Variants in HIVEP3 observed in about 807,000 individuals in gnomAD.
The protein encoded by HIVEP3 is transcription factor HIVEP3.
In HIVEP3, 49 loss-of-function variants were observed where a neutral mutation model predicts 152.8. The ratio of observed to expected loss-of-function variants is 0.32; its 90% CI spans 0.26 to 0.41. The LOEUF (loss-of-function observed/expected upper bound fraction) is 0.41. HIVEP3 is among the 10% of genes least tolerant of loss of function. The probability of loss-of-function intolerance (pLI) is 1.00; values close to 1 mark genes in which losing one functional copy is unlikely to be tolerated. For missense variants in HIVEP3, 2,790 were observed against 3,103.3 expected (o/e 0.90, Z 2.40); for synonymous variants, 1,269 against 1,289.0 (o/e 0.98, Z 0.33).
intron 1 of HIVEP3, among the ~76,000 whole-genome samples, chr1:41,932,190 T>C (rs1223340595): frequency 6.6e-6 from 1 of 151,950 alleles, no homozygotes; most frequent in Non-Finnish European, 1.5e-5. Flanking sequence ...TGTAAATCTA[T>C]TGAAATAATC....
At chr1:41,538,100 G>A (rs1162022708) in intron 5 of HIVEP3, among the ~76,000 whole-genome samples, 3 of 152,234 alleles carry the variant, frequency 2.0e-5, no homozygotes, top group Non-Finnish European at 2.9e-5. Flanking sequence ...TACGGATGAT[G>A]AGAGGAGGAA....
In HIVEP3 at chr1:41,582,670, T is replaced by A. The variant is rs1477615947; in HGVS notation, c.2128A>T (p.Thr710Ser). Reference sequence around the variant, plus strand: ...TCTTTCCTCCTCTTCCTCAGTGGAGTGAGTTCCAGGGTGGTTCCCAGTTTG... The same window carrying A: ...TCTTTCCTCCTCTTCCTCAGTGGAGAGAGTTCCAGGGTGGTTCCCAGTTTG... ...HYKLGTTLEL[T>S]PLRKRRKEKS... Residue 710 changes from threonine (T) to serine (S), a missense_variant, in exon 4 of 9, where the codon ACT becomes TCT. This residue lies in a region of HIVEP3 where 339 missense variants were observed against 327.0 expected (regional missense o/e 1.04). Coordinates refer to ENST00000372583, the MANE Select transcript of HIVEP3 (RefSeq NM_024503.5). The surrounding 1 kb of genome is among the most constrained non-coding windows in gnomAD (Gnocchi z 4.7). The A allele has an allele frequency of 6.2e-7, 1 of 1,613,854 alleles. No homozygotes were observed. Among genetic ancestry groups the A allele is most frequent in the Non-Finnish European group, 8.5e-7 (1 of 1,179,958 alleles).
intron 2 of HIVEP3, among the ~76,000 whole-genome samples, chr1:41,668,345 G>A (rs1645826931): frequency 6.6e-6 from 1 of 152,208 alleles, no homozygotes; most frequent in Non-Finnish European, 1.5e-5. Flanking sequence ...GAGGGGTGAG[G>A]CCTGGTGCAA....
rs368988685 is a variant in HIVEP3 at position 41,902,238 on chromosome 1, G to A, written c.-801+16175C>T. On this transcript the variant is annotated intron_variant, in intron 1 of 8. Transcript: ENST00000372583. ...GTCTGAAAGACATCCGGCCCACATT[G>A]CTTTCACTTAGGTCATGTTCCCCCA... Among the ~76,000 whole-genome samples, 127 of 152,258 alleles carry A rather than the reference G, an allele frequency of 8.3e-4. 4 individuals are homozygous for A. In the East Asian group the frequency reaches 0.018, roughly 22 times the overall value.
chr1:41,658,325 G>T (rs1229385931), intron 2 of HIVEP3, among the ~76,000 whole-genome samples: 1 of 152,082 alleles, frequency 6.6e-6, no homozygotes, highest in South Asian at 2.1e-4. Context: ...GGACTTTGGA[G>T]CCCAAAGTCC....
chr1:41,783,583 T>C (rs1262125564), intron 1 of HIVEP3, among the ~76,000 whole-genome samples: 1 of 152,130 alleles, frequency 6.6e-6, no homozygotes, highest in Non-Finnish European at 1.5e-5. Flanking sequence ...TGCCAGTCAC[T>C]AGATACTCTG....
intron 5 of HIVEP3, among the ~76,000 whole-genome samples, chr1:41,539,271 A>C (rs917188585): frequency 6.6e-6 from 1 of 152,092 alleles, no homozygotes; most frequent in African/African-American, 2.4e-5. Context: ...CTCTCTCACT[A>C]TTAAGCTGAA....
intron 1 of HIVEP3, among the ~76,000 whole-genome samples, chr1:41,971,012 A>G (rs112894475): frequency 0.015 from 2,291 of 152,312 alleles, 47 homozygotes; most frequent in African/African-American, 0.052. Context: ...TGATGTAGAA[A>G]AAAAATATAG....
intron 1 of HIVEP3, among the ~76,000 whole-genome samples, chr1:41,901,263 T>C (rs1234254972): frequency 1.3e-5 from 2 of 151,964 alleles, no homozygotes; most frequent in Non-Finnish European, 2.9e-5. Flanking sequence ...GGGTTGGTCA[T>C]GCATGTGGGA....
chr1:41,926,282 G>T lies in HIVEP3; in HGVS notation n.120-7758C>A, dbSNP rs1046297436. Among the ~76,000 whole-genome samples the T allele has an allele frequency of 5.1e-4, 77 of 152,070 alleles. 1 individual carries two copies. The highest frequency in any genetic ancestry group is 5.0e-3 in the Admixed American group (76 of 15,270). On this transcript the variant is annotated intron_variant and non_coding_transcript_variant, in intron 1 of 3. Coordinates refer to the HIVEP3 transcript ENST00000489103. The stretch of plus-strand genomic sequence containing the variant: ...CCAAGCCACACACCTCCCCTGACCT[G>T]CACTCACACAGTTAATTTCCTGGAC...
At chr1:41,666,490 C>T (rs1465394685) in intron 2 of HIVEP3, among the ~76,000 whole-genome samples, 1 of 152,154 alleles carries the variant, frequency 6.6e-6, no homozygotes, top group African/African-American at 2.4e-5. Context: ...GAAGTTTTGA[C>T]AAGACACTGC....
chr1:41,518,497 AAACGAG>A lies in HIVEP3; in HGVS notation c.5384-15_5384-10del. 1 of 1,611,704 alleles carries A rather than the reference AAACGAG, an allele frequency of 6.2e-7. No homozygotes were observed. The highest frequency in any genetic ancestry group is 8.5e-7 in the Non-Finnish European group (1 of 1,177,782). ...GTGCTTAGTCAGATTCCCTAGAAAG[AAACGAG>A]AATACTTAGGCTCTGCTATGGGGCA... On this transcript the variant is annotated splice_polypyrimidine_tract_variant and intron_variant, in intron 6 of 8. Transcript: ENST00000372583.
rs141563701 is a variant in HIVEP3, at chr1:41,684,894, G to A, written c.-721+16022C>T. On this transcript the variant is annotated intron_variant, in intron 2 of 8. Coordinates refer to ENST00000372583, the MANE Select transcript of HIVEP3 (RefSeq NM_024503.5). ...GAGGGCACACAGCTCATGGCCAGAC[G>A]TGAACCTGGTTCTGTCTGATTCCAG... Among the ~76,000 whole-genome samples, 450 of 152,340 alleles carry A rather than the reference G, an allele frequency of 3.0e-3. 4 individuals are homozygous for A. The highest frequency in any genetic ancestry group is 0.01 in the African/African-American group (418 of 41,578).
intron 3 of HIVEP3, among the ~76,000 whole-genome samples, chr1:41,623,314 C>A (rs942446994): frequency 6.6e-6 from 1 of 152,188 alleles, no homozygotes; most frequent in Non-Finnish European, 1.5e-5. Context: ...AAGGCTGCCC[C>A]TCTCCAAGAT....
chr1:41,893,133 A>AC (rs1417471955), intron 1 of HIVEP3, among the ~76,000 whole-genome samples: 1 of 151,392 alleles, frequency 6.6e-6, no homozygotes, highest in African/African-American at 2.4e-5. Flanking sequence ...AAAAAAAAAA[A>AC]AAAAAAAAAC....
chr1:41,872,540 A>ATCCCTGCTCTTATC (rs566359228), intron 1 of HIVEP3, among the ~76,000 whole-genome samples: 183 of 152,282 alleles, frequency 1.2e-3, no homozygotes, highest in African/African-American at 4.3e-3. Context: ...TTCTCGGTTA[A>ATCCCTGCTCTTATC]TCCCTGCTCT....
At chr1:41,667,857 A>C (rs1194558070) in intron 2 of HIVEP3, among the ~76,000 whole-genome samples, 1 of 152,226 alleles carries the variant, frequency 6.6e-6, no homozygotes, top group Non-Finnish European at 1.5e-5. Flanking sequence ...TTAGTCACTC[A>C]ATAAAGAAGC....
At chr1:41,740,720 C>G (rs554628736) in intron 1 of HIVEP3, among the ~76,000 whole-genome samples, 10 of 152,346 alleles carry the variant, frequency 6.6e-5, no homozygotes, top group South Asian at 2.1e-4. Context: ...TGTGCCCCAC[C>G]ACCATGGCAG....
At chr1:41,781,089 A>T (rs868664544) in intron 1 of HIVEP3, among the ~76,000 whole-genome samples, 1 of 152,184 alleles carries the variant, frequency 6.6e-6, no homozygotes, top group South Asian at 2.1e-4. Flanking sequence ...AAGTGGAGAA[A>T]TTTCATTTGG....
Sources: gnomAD v4.1 joint callset for allele counts (sites outside exome capture counted in the v4.1 genomes callset) on GRCh38, gnomAD v4.1.1 for gene constraint, gnomAD v4.1.1 regional missense constraint, Gnocchi (gnomAD v3.1) non-coding constraint, MANE v1.5 for transcripts, NCBI Gene and HGNC (gene_info 2026-07-23, HGNC 2026-07-21) for gene names.